Variants in SUGCT observed in about 807,000 individuals in gnomAD.
SUGCT encodes succinyl-CoA:glutarate-CoA transferase.
SUGCT carries 41 observed loss-of-function variants against 55.0 expected under a neutral mutation model. The observed-to-expected ratio is 0.74, with a 90% confidence interval of 0.58 to 0.97. The LOEUF (loss-of-function observed/expected upper bound fraction) is 0.97. Ranked by LOEUF, SUGCT falls within the 50% of genes least tolerant of loss-of-function variation. SUGCT has a pLI of 0.00. For synonymous variants in SUGCT, 187 were observed against 200.4 expected, an observed-to-expected ratio of 0.93 and a Z score of 0.56; for missense variants, 568 against 547.8, an observed-to-expected ratio of 1.04 and a Z score of -0.37.
intron 11 of SUGCT, among the ~76,000 whole-genome samples, chr7:40,472,156 C>T (rs1465712393): frequency 6.6e-6 from 1 of 151,930 alleles, no homozygotes; most frequent in Non-Finnish European, 1.5e-5. Context: ...CTTAGTGACT[C>T]GATAATTCTA....
At chr7:40,816,160 A>C (rs75620270) in intron 13 of SUGCT, among the ~76,000 whole-genome samples, 1 of 152,204 alleles carries the variant, frequency 6.6e-6, no homozygotes, top group African/African-American at 2.4e-5. Flanking sequence ...GGTGCCTTCT[A>C]CAGTTCGGGC....
chr7:40,709,935 A>G (rs1785623312), intron 12 of SUGCT, among the ~76,000 whole-genome samples: 1 of 152,206 alleles, frequency 6.6e-6, no homozygotes, highest in African/African-American at 2.4e-5. Context: ...TTAGGAACCA[A>G]CTTCAAGAAC....
At chr7:40,187,703 CTTGAAGTCAGGA>C (rs1394542469) in intron 3 of SUGCT, among the ~76,000 whole-genome samples, 4 of 152,108 alleles carry the variant, frequency 2.6e-5, no homozygotes, top group South Asian at 2.1e-4. Flanking sequence ...GGCTGGGTCA[CTTGAAGTCAGGA>C]TTGAGGTCAG....
chr7:40,141,710 C>CTTT lies in SUGCT; in HGVS notation c.100+6603_100+6605dup, dbSNP rs61007273. The CTTT allele has an allele frequency of 1.5e-4, 23 of 150,148 alleles. 1 individual carries two copies. Among genetic ancestry groups the CTTT allele is most frequent in the Non-Finnish European group, 2.0e-4 (14 of 70,010 alleles). 9.3% of individuals were successfully genotyped at this position (150,148 alleles called of 1,614,324 possible). ...TATGAAGATTGAGGGAGAGGGAATT[C>CTTT]TTTTTTTTTTTTTTTGAGACAGGGT... is the stretch of plus-strand genomic sequence containing the variant. On this transcript the variant is annotated intron_variant, in intron 1 of 13. Coordinates refer to ENST00000335693, the MANE Select transcript of SUGCT (RefSeq NM_001193313.2).
At chr7:40,693,769 C>G (rs1348925778) in intron 12 of SUGCT, among the ~76,000 whole-genome samples, 1 of 152,180 alleles carries the variant, frequency 6.6e-6, no homozygotes, top group Non-Finnish European at 1.5e-5. Flanking sequence ...GGTGCATTAG[C>G]TGGTATTTAT....
At chr7:40,176,413 G>A (rs1319469211) in intron 1 of SUGCT, among the ~76,000 whole-genome samples, 1 of 151,996 alleles carries the variant, frequency 6.6e-6, no homozygotes. Flanking sequence ...CTTCACTCTT[G>A]TTCACAAATG....
the SUGCT span, among the ~76,000 whole-genome samples, chr7:40,889,810 C>T: frequency 1.3e-5 from 2 of 152,148 alleles, no homozygotes; most frequent in African/African-American, 4.8e-5. Context: ...ATCCCTGTTA[C>T]CACTTTCCTG....
intron 9 of SUGCT, among the ~76,000 whole-genome samples, chr7:40,382,222 G>C (rs1345102242): frequency 6.6e-6 from 1 of 151,982 alleles, no homozygotes; most frequent in Non-Finnish European, 1.5e-5. Flanking sequence ...AGACTGAATA[G>C]GTTTTTCAAA....
intron 12 of SUGCT, among the ~76,000 whole-genome samples, chr7:40,564,956 G>A (rs1289753851): frequency 6.6e-6 from 1 of 152,198 alleles, no homozygotes; most frequent in East Asian, 1.9e-4. Flanking sequence ...TCTCATGTAA[G>A]TAGCTCAAGA....
intron 9 of SUGCT, among the ~76,000 whole-genome samples, chr7:40,364,503 A>T (rs1295073138): frequency 6.6e-6 from 1 of 152,090 alleles, no homozygotes; most frequent in Non-Finnish European, 1.5e-5. Flanking sequence ...CTTGTAGGGC[A>T]GGCCTGGTGG....
chr7:40,998,404 C>G, the SUGCT span, among the ~76,000 whole-genome samples: 1 of 151,404 alleles, frequency 6.6e-6, no homozygotes, highest in Non-Finnish European at 1.5e-5. Context: ...GAACTGAGTA[C>G]ATAATCACTA....
At chr7:40,534,008 A>G (rs1344864417) in intron 12 of SUGCT, among the ~76,000 whole-genome samples, 1 of 152,202 alleles carries the variant, frequency 6.6e-6, no homozygotes, top group Non-Finnish European at 1.5e-5. Flanking sequence ...ATTCGAAAGT[A>G]TATACTTAAA....
chr7:40,551,473 G>T (rs1795295334), intron 12 of SUGCT, among the ~76,000 whole-genome samples: 1 of 152,132 alleles, frequency 6.6e-6, no homozygotes, highest in African/African-American at 2.4e-5. Flanking sequence ...ACAGAGAAAT[G>T]GCTTAGTTAA....
At position 40,141,632 on chromosome 7, in the gene SUGCT, C is replaced by T. The variant is rs181089189; in HGVS notation, c.100+6512C>T. Among the ~76,000 whole-genome samples the T allele has an allele frequency of 1.3e-3, 169 of 128,352 alleles. 2 individuals carry two copies. The highest frequency in any genetic ancestry group is 5.0e-3 in the African/African-American group (162 of 32,222). The allele number at this position is 128,352 out of a possible 152,430, so 84.2% of individuals were successfully genotyped here. A position where few individuals can be genotyped will look rare whatever the true frequency, so the allele number is the denominator to read the frequency against. On this transcript the variant is annotated intron_variant, in intron 1 of 13. Coordinates refer to ENST00000335693, the MANE Select transcript of SUGCT (RefSeq NM_001193313.2). ...CTGGGCGACAGACAGTGCAAGACTCCATCTCAAAAAAAAAAAAAAAAAGTG... is the reference window on the plus strand; with the variant it reads ...CTGGGCGACAGACAGTGCAAGACTCTATCTCAAAAAAAAAAAAAAAAAGTG...
rs543879546 is a variant in SUGCT at position 40,549,903 on chromosome 7, T to G, written c.1089+53517T>G. ...ATATACAGTGCTGTCCTAGAACAAT[T>G]GAGAATTCATTTCATAGGCAGTGGA... On this transcript the variant is annotated intron_variant, in intron 12 of 13. Transcript: ENST00000335693. 2.0e-5 allele frequency among the ~76,000 whole-genome samples: 3 copies of G among 152,214 alleles called. No individual in the cohort carries two copies. In the South Asian group the frequency reaches 6.2e-4, roughly 32 times the overall value.
At chr7:40,835,025 A>G (rs190161264) in intron 13 of SUGCT, among the ~76,000 whole-genome samples, 88 of 152,300 alleles carry the variant, frequency 5.8e-4, no homozygotes, top group East Asian at 2.7e-3. Flanking sequence ...GAGCTGTCCA[A>G]TGCTTTATTG....
chr7:40,197,997 G>T (rs1421927852), intron 6 of SUGCT, among the ~76,000 whole-genome samples: 1 of 152,072 alleles, frequency 6.6e-6, no homozygotes, highest in African/African-American at 2.4e-5. Context: ...ATTTTAGTGT[G>T]GTGAAATGGC....
chr7:40,537,764 A>G (rs570569407), intron 12 of SUGCT, among the ~76,000 whole-genome samples: 1 of 152,228 alleles, frequency 6.6e-6, no homozygotes, highest in Non-Finnish European at 1.5e-5. Context: ...AAACTATCTG[A>G]TCATGAAAAT....
chr7:40,875,554 G>A, the SUGCT span, among the ~76,000 whole-genome samples: 1 of 152,126 alleles, frequency 6.6e-6, no homozygotes, highest in Non-Finnish European at 1.5e-5. Context: ...ACTTTAGACA[G>A]CCACTAGAAA....
Sources: gnomAD v4.1 joint callset for allele counts (sites outside exome capture counted in the v4.1 genomes callset) on GRCh38, gnomAD v4.1.1 for gene constraint, MANE v1.5 for transcripts, NCBI Gene and HGNC (gene_info 2026-07-23, HGNC 2026-07-21) for gene names.